Variants in PAH observed in about 807,000 individuals in gnomAD.
PAH encodes the protein phenylalanine hydroxylase.
Under a neutral mutation model 62.0 loss-of-function variants are expected in PAH, and 64 were observed. The ratio of observed to expected loss-of-function variants is 1.03; its 90% CI spans 0.84 to 1.27. PAH has a LOEUF of 1.27. Ranked by LOEUF, PAH falls within the 50% of genes most tolerant of loss-of-function variation. PAH has a pLI of 0.00. For missense variants in PAH, 579 were observed against 542.8 expected, an observed-to-expected ratio of 1.07 and a Z score of -0.66; for synonymous variants, 195 against 196.2, an observed-to-expected ratio of 0.99 and a Z score of 0.05.
At chr12:102,955,791 G>C (rs1317695477), upstream of PAH, among the ~76,000 whole-genome samples, 1 of 152,172 alleles carries the variant, frequency 6.6e-6, no homozygotes, top group Non-Finnish European at 1.5e-5. Flanking sequence ...AAGGCCTGAG[G>C]TGTGAATCCC....
chr12:102,918,573 T>G (rs74651029), upstream of PAH, among the ~76,000 whole-genome samples: 25 of 122,946 alleles, frequency 2.0e-4, no homozygotes, highest in African/African-American at 7.6e-4. Context: ...TTTTTTTGTT[T>G]TTTTTTTTTG....
At chr12:102,932,888 A>G (rs1050283274) in intron 1 of PAH, among the ~76,000 whole-genome samples, 2 of 152,196 alleles carry the variant, frequency 1.3e-5, no homozygotes, top group Admixed American at 6.5e-5. Context: ...CAAGCATGCA[A>G]TGCTTAATGG....
Position 102,867,923 on chromosome 12 carries a change from A to C in PAH, c.442-1260T>G, listed in dbSNP as rs185127714. On this transcript the variant is annotated intron_variant, in intron 4 of 12. Coordinates refer to ENST00000553106, the MANE Select transcript of PAH (RefSeq NM_000277.3). ...GATGTATATATACATGTATATACATATATAGATGTATATATACATGTATAT... is the reference window on the plus strand; with the variant it reads ...GATGTATATATACATGTATATACATCTATAGATGTATATATACATGTATAT... Among the ~76,000 whole-genome samples, 1,061 of 138,372 alleles carry C rather than the reference A, an allele frequency of 7.7e-3. 44 individuals are homozygous for C. The highest frequency in any genetic ancestry group is 0.028 in the African/African-American group (995 of 35,936). 90.8% of individuals were successfully genotyped at this position (138,372 alleles called of 152,430 possible). A position where few individuals can be genotyped will look rare whatever the true frequency, so the allele number is the denominator to read the frequency against.
chr12:102,943,582 A>T (rs1438617358), intron 1 of PAH, among the ~76,000 whole-genome samples: 1 of 152,144 alleles, frequency 6.6e-6, no homozygotes, highest in Non-Finnish European at 1.5e-5. Context: ...AAGGAATATA[A>T]ATCATTCTAC....
chr12:102,861,849 G>T (rs4764717), intron 5 of PAH, among the ~76,000 whole-genome samples: 34,653 of 151,788 alleles, frequency 0.23, 4,796 homozygotes, highest in Admixed American at 0.36. Flanking sequence ...GGAAGGGGGA[G>T]GGATAGCATT....
At chr12:102,843,563 C>T in intron 11 of PAH, 83 bp downstream of exon 11, 1 of 1,446,326 alleles carries the variant, frequency 6.9e-7, no homozygotes, top group South Asian at 1.2e-5. Context: ...TTGGAGTCCA[C>T]TCTCCTGGCC....
chr12:102,946,669 A>G (rs539125109), intron 1 of PAH: 3 of 152,816 alleles, frequency 2.0e-5, no homozygotes, highest in African/African-American at 7.2e-5. Context: ...CAGCAATTCA[A>G]GACTGTCTTT....
At chr12:102,841,702 C>G (rs187129411) in intron 11 of PAH, among the ~76,000 whole-genome samples, 1 of 152,212 alleles carries the variant, frequency 6.6e-6, no homozygotes, top group Non-Finnish European at 1.5e-5. Flanking sequence ...GTGGCATGAG[C>G]CACATGTTAC....
At chr12:102,893,439 C>A (rs868851956) in intron 3 of PAH, among the ~76,000 whole-genome samples, 1 of 151,982 alleles carries the variant, frequency 6.6e-6, no homozygotes, top group Non-Finnish European at 1.5e-5. Flanking sequence ...AATAAAAAGT[C>A]TATTAAAAAA....
intron 1 of PAH, among the ~76,000 whole-genome samples, chr12:102,924,384 C>T (rs1469868544): frequency 6.6e-6 from 1 of 151,934 alleles, no homozygotes; most frequent in Non-Finnish European, 1.5e-5. Context: ...TAAGCTACTT[C>T]CTTAAATATT....
chr12:102,855,382 A>G (rs1366444569), intron 5 of PAH, 50 bp from the exon 6 acceptor site: 1 of 1,524,226 alleles, frequency 6.6e-7, no homozygotes, highest in Admixed American at 1.7e-5. Flanking sequence ...GGGGCACAGC[A>G]GAACGCAGGT....
chr12:102,917,237 AAG>A lies in PAH; in HGVS notation c.-109_-108del. ...GTTTTAACCTCGCACTAGGGAGGAG[AAG>A]AGAGTTACAAAGGGTGTCTCTTGCG... On this transcript the variant is annotated 5_prime_UTR_variant, in exon 1 of 13. Transcript: ENST00000553106. 3 of 923,354 alleles carry A rather than the reference AAG, an allele frequency of 3.2e-6. No individual in the cohort carries two copies. Among genetic ancestry groups the A allele is most frequent in the Non-Finnish European group, 5.3e-6 (3 of 567,580 alleles). The allele number at this position is 923,354 out of a possible 1,614,324, so 57.2% of individuals were successfully genotyped here.
intron 11 of PAH, among the ~76,000 whole-genome samples, chr12:102,841,129 G>A (rs928217306): frequency 2.6e-5 from 4 of 152,108 alleles, no homozygotes; most frequent in Admixed American, 2.6e-4. Flanking sequence ...AAGGCTGCGT[G>A]ACTACTAAGG....
At chr12:102,876,731 A>G (rs1157565431) in intron 4 of PAH, among the ~76,000 whole-genome samples, 2 of 152,134 alleles carry the variant, frequency 1.3e-5, no homozygotes, top group African/African-American at 4.8e-5. Flanking sequence ...GTTCCTCCCC[A>G]GACCCTCTGC....
chr12:102,919,439 T>G (rs553112576), upstream of PAH, among the ~76,000 whole-genome samples: 3 of 152,256 alleles, frequency 2.0e-5, no homozygotes, highest in Non-Finnish European at 4.4e-5. Flanking sequence ...TCTTTTGTGT[T>G]GCAAACAAGC....
chr12:102,945,340 G>A (rs1410587780), intron 1 of PAH, among the ~76,000 whole-genome samples: 3 of 152,198 alleles, frequency 2.0e-5, no homozygotes, highest in Non-Finnish European at 4.4e-5. Context: ...AGCCAGCCAG[G>A]GTGACACATT....
At chr12:102,931,401 G>C (rs1336935831) in intron 1 of PAH, among the ~76,000 whole-genome samples, 1 of 152,090 alleles carries the variant, frequency 6.6e-6, no homozygotes, top group Non-Finnish European at 1.5e-5. Context: ...CCAAGTGCTG[G>C]GGGAATGCGC....
intron 4 of PAH, among the ~76,000 whole-genome samples, chr12:102,869,333 G>C (rs1185506590): frequency 6.6e-6 from 1 of 152,132 alleles, no homozygotes; most frequent in Non-Finnish European, 1.5e-5. Context: ...AATTATGTCA[G>C]AGGAAATATG....
intron 6 of PAH, among the ~76,000 whole-genome samples, chr12:102,853,573 A>G (rs968861969): frequency 2.0e-5 from 3 of 152,228 alleles, no homozygotes; most frequent in African/African-American, 4.8e-5. Flanking sequence ...ACTATGCTCT[A>G]TGAATTGGCA....
Sources: allele counts gnomAD v4.1 joint callset (sites outside exome capture counted in the v4.1 genomes callset), GRCh38; gene constraint gnomAD v4.1.1; transcripts MANE v1.5; gene names NCBI Gene and HGNC (gene_info 2026-07-23, HGNC 2026-07-21).